ANK3: variants seen among roughly 807,000 people sequenced by gnomAD.
ANK3 encodes the protein ankyrin 3.
Under a neutral mutation model 370.9 loss-of-function variants are expected in ANK3, and 57 were observed. The ratio of observed to expected loss-of-function variants is 0.15; its 90% confidence interval spans 0.12 to 0.19. ANK3 has a LOEUF of 0.19. Among genes scored for constraint, ANK3 ranks in the 10% least tolerant of loss-of-function variants. ANK3 has a pLI of 1.00. For synonymous variants in ANK3, 1,929 were observed against 1,946.3 expected, an observed-to-expected ratio of 0.99 and a Z score of 0.23; for missense variants, 4,439 against 5,302.1, an observed-to-expected ratio of 0.84 and a Z score of 5.06.
chr10:60,624,405 T>C (rs935326030), intron 1 of ANK3, among the ~76,000 whole-genome samples: 2 of 152,070 alleles, frequency 1.3e-5, no homozygotes, highest in African/African-American at 2.4e-5. Flanking sequence ...CTGGAAGAAG[T>C]GGCATCATCC....
chr10:60,333,291 C>G (rs2051848625), intron 1 of ANK3, among the ~76,000 whole-genome samples: 1 of 152,052 alleles, frequency 6.6e-6, no homozygotes, highest in African/African-American at 2.4e-5. Context: ...TAATGCTCTC[C>G]CTCCCCTAGA....
In ANK3 at chr10:60,609,529, CT is replaced by C. The variant is rs2078174572; in HGVS notation, c.96+5656del. On this transcript the variant is annotated intron_variant, in intron 2 of 43. Coordinates refer to the ANK3 transcript ENST00000373827. ...AAAGGGTCTACCACAAAGGGGACTT[CT>C]TTTTTCCTTTTTTTTTTTCCTTGCC... 9.9e-5 allele frequency among the ~76,000 whole-genome samples: 8 copies of C among 80,692 alleles called. No homozygotes were observed. The South Asian group carries it at 4.3e-3, about 43-fold the overall frequency. The allele number at this position is 80,692 out of a possible 152,430, so 52.9% of individuals were successfully genotyped here. A position where few individuals can be genotyped will look rare whatever the true frequency, so the allele number is the denominator to read the frequency against.
chr10:60,171,422 C>A (rs1388529015), intron 21 of ANK3, among the ~76,000 whole-genome samples: 1 of 152,156 alleles, frequency 6.6e-6, no homozygotes, highest in Non-Finnish European at 1.5e-5. Context: ...AGTGGGTATA[C>A]AAACTAATTT....
At chr10:60,670,757 C>G (rs2079055341) in intron 1 of ANK3, among the ~76,000 whole-genome samples, 1 of 152,192 alleles carries the variant, frequency 6.6e-6, no homozygotes, top group African/African-American at 2.4e-5. Flanking sequence ...AAATAAAATG[C>G]ACTCTCTCCC....
chr10:60,405,081 T>C (rs2063425751), intron 2 of ANK3, among the ~76,000 whole-genome samples: 1 of 152,062 alleles, frequency 6.6e-6, no homozygotes, highest in Non-Finnish European at 1.5e-5. Flanking sequence ...GAGTGGAGGG[T>C]GTGAAATTGC....
chr10:60,325,786 C>T (rs2049709892), intron 1 of ANK3, among the ~76,000 whole-genome samples: 1 of 152,180 alleles, frequency 6.6e-6, no homozygotes. Flanking sequence ...TGGGTATATA[C>T]CCAAAGGAGT....
intron 43 of ANK3, among the ~76,000 whole-genome samples, chr10:60,039,152 C>A (rs913157630): frequency 1.3e-5 from 2 of 152,320 alleles, no homozygotes; most frequent in Middle Eastern, 3.4e-3. Flanking sequence ...CCACTTTAAG[C>A]CAGGCAGATG....
At chr10:60,616,445 T>C (rs1183756620) in intron 1 of ANK3, among the ~76,000 whole-genome samples, 7 of 152,178 alleles carry the variant, frequency 4.6e-5, no homozygotes, top group African/African-American at 1.4e-4. Flanking sequence ...TACAGTGTTT[T>C]AAACAAGATT....
At chr10:60,603,329 C>G (rs1277847380) in intron 2 of ANK3, among the ~76,000 whole-genome samples, 1 of 152,106 alleles carries the variant, frequency 6.6e-6, no homozygotes, top group African/African-American at 2.4e-5. Flanking sequence ...ACAGCTCATC[C>G]TGAATGTTTT....
chr10:60,562,570 C>T (rs574021342), intron 2 of ANK3, among the ~76,000 whole-genome samples: 146 of 152,182 alleles, frequency 9.6e-4, no homozygotes, highest in African/African-American at 3.3e-3. Context: ...CACACCACCA[C>T]GCCCAGCTTA....
chr10:60,284,542 G>A lies in ANK3; in HGVS notation c.115-4903C>T, dbSNP rs1045868596. Among the ~76,000 whole-genome samples, 3 of 152,014 alleles carry A rather than the reference G, an allele frequency of 2.0e-5. No individual in the cohort carries two copies. The East Asian group carries it at 5.8e-4, about 29-fold the overall frequency. On this transcript the variant is annotated intron_variant, in intron 1 of 43. Transcript: ENST00000280772. ...CTAAGAAAGGGCTTAATACATGTTT[G>A]GTCTATTCCAAATGAGAATTCTTAG...
chr10:60,284,851 C>T (rs192944279), intron 1 of ANK3, among the ~76,000 whole-genome samples: 2 of 152,046 alleles, frequency 1.3e-5, no homozygotes, highest in African/African-American at 4.8e-5. Context: ...AAAAAAATCT[C>T]TAATCTTTCC....
At chr10:60,646,512 A>G (rs2078711270) in intron 1 of ANK3, among the ~76,000 whole-genome samples, 1 of 152,140 alleles carries the variant, frequency 6.6e-6, no homozygotes, top group Non-Finnish European at 1.5e-5. Context: ...GAAGTTCTAG[A>G]CTAGCCTAGG....
upstream of ANK3, chr10:60,733,504 GC>G: frequency 2.1e-6 from 1 of 468,816 alleles, no homozygotes; most frequent in Non-Finnish European, 3.4e-6. Flanking sequence ...CGCTGCGACC[GC>G]CAGGTGCCCG....
At chr10:60,405,515 G>A (rs2063436896) in intron 2 of ANK3, among the ~76,000 whole-genome samples, 1 of 152,134 alleles carries the variant, frequency 6.6e-6, no homozygotes, top group African/African-American at 2.4e-5. Context: ...TGACTGGGAA[G>A]GGAGAAAATT....
chr10:60,049,598 T>A (rs1589244577), intron 42 of ANK3, among the ~76,000 whole-genome samples: 1 of 152,088 alleles, frequency 6.6e-6, no homozygotes, highest in South Asian at 2.1e-4. Flanking sequence ...AAAAAAAGTA[T>A]TTGGGGAGAA....
chr10:60,062,136 T>TCC (rs2080664608), intron 40 of ANK3: 4 of 152,146 alleles, frequency 2.6e-5, no homozygotes. Flanking sequence ...GGCACGGTGG[T>TCC]GCATGCCTGT....
rs139939000 is a variant in ANK3, at chr10:60,502,562, C to T, written c.96+112624G>A. ...GGGCATGATGGCAGATGCCTATAGT[C>T]CCAGCAACTTGGGACACTGAGGCAG... On this transcript the variant is annotated intron_variant, in intron 2 of 43. Coordinates refer to the ANK3 transcript ENST00000373827. 1.3e-3 allele frequency among the ~76,000 whole-genome samples: 199 copies of T among 152,210 alleles called. 8 individuals are homozygous for T. The East Asian group carries it at 0.035, about 27-fold the overall frequency.
At chr10:60,326,630 G>A (rs2132916429) in intron 1 of ANK3, among the ~76,000 whole-genome samples, 1 of 152,150 alleles carries the variant, frequency 6.6e-6, no homozygotes, top group African/African-American at 2.4e-5. Flanking sequence ...TAAATGATCA[G>A]CCAAATCTCA....
Sources: allele counts gnomAD v4.1 joint callset (sites outside exome capture counted in the v4.1 genomes callset), GRCh38; gene constraint gnomAD v4.1.1; transcripts MANE v1.5; gene names NCBI Gene and HGNC (gene_info 2026-07-23, HGNC 2026-07-21).